The following MIA2 variants were observed in gnomAD, a reference collection of about 807,000 sequenced individuals.
MIA2 encodes the protein melanoma inhibitory activity protein 2.
Under a neutral mutation model 167.8 loss-of-function variants are expected in MIA2, and 127 were observed. The observed-to-expected ratio is 0.76, with a 90% confidence interval of 0.66 to 0.88. The LOEUF (loss-of-function observed/expected upper bound fraction) is 0.88, where lower values mean the gene tolerates loss of function less well. Among genes scored for constraint, MIA2 ranks in the 40% least tolerant of loss-of-function variants. The probability of loss-of-function intolerance (pLI) is 0.00; values close to 1 mark genes in which losing one functional copy is unlikely to be tolerated. For synonymous variants in MIA2, 552 were observed against 541.9 expected (o/e 1.02, Z -0.26); for missense variants, 1,690 against 1,624.7 (o/e 1.04, Z -0.69).
Position 39,350,479 on chromosome 14 carries a change from A to G in MIA2, c.*215A>G, listed in dbSNP as rs924986526. On this transcript the variant is annotated 3_prime_UTR_variant, in exon 29 of 29. Coordinates refer to ENST00000640607, the MANE Select transcript of MIA2 (RefSeq NM_001329214.4). ...TAGACGGTATAACTATTTCAATTTGATTAATCCACTATTATATAAACAATA... is the reference window on the plus strand; with the variant it reads ...TAGACGGTATAACTATTTCAATTTGGTTAATCCACTATTATATAAACAATA... The G allele has an allele frequency of 9.3e-5, 38 of 406,902 alleles. No individual in the cohort carries two copies. Among genetic ancestry groups the G allele is most frequent in the Non-Finnish European group, 1.4e-4 (33 of 229,084 alleles). 25.2% of individuals were successfully genotyped at this position (406,902 alleles called of 1,614,324 possible).
intron 25 of MIA2, among the ~76,000 whole-genome samples, chr14:39,339,950 A>T (rs1471245478): frequency 1.3e-5 from 2 of 152,268 alleles, no homozygotes; most frequent in South Asian, 2.1e-4. Context: ...GGCCCAAGTG[A>T]TCCTCCTGCT....
intron 6 of MIA2, among the ~76,000 whole-genome samples, chr14:39,274,069 G>T (rs1256961928): frequency 3.9e-5 from 6 of 152,116 alleles, no homozygotes; most frequent in African/African-American, 1.4e-4. Context: ...TTGTCAACCT[G>T]ATTAATTGAT....
At chr14:39,250,931 A>T (rs1385411153) in intron 4 of MIA2, among the ~76,000 whole-genome samples, 1 of 152,028 alleles carries the variant, frequency 6.6e-6, no homozygotes, top group Non-Finnish European at 1.5e-5. Context: ...TACAATATTA[A>T]ATAAGAATTG....
At chr14:39,314,684 G>A in intron 19 of MIA2, 55 bp from the exon 20 acceptor site, 2 of 1,158,288 alleles carry the variant, frequency 1.7e-6, no homozygotes, top group Non-Finnish European at 2.4e-6. Context: ...TAGAGAGTAT[G>A]TTCTGTCATT....
chr14:39,249,905 T>A (rs2054482563), intron 4 of MIA2, among the ~76,000 whole-genome samples: 1 of 152,184 alleles, frequency 6.6e-6, no homozygotes, highest in African/African-American at 2.4e-5. Flanking sequence ...ACGTAATACC[T>A]TAACATTCCC....
intron 6 of MIA2, among the ~76,000 whole-genome samples, chr14:39,254,547 T>TA (rs1205372691): frequency 1.3e-5 from 2 of 152,222 alleles, no homozygotes; most frequent in African/African-American, 4.8e-5. Context: ...AATCAGGGTA[T>TA]ACTAACTCAA....
At chr14:39,269,704 A>G (rs534265105) in intron 6 of MIA2, among the ~76,000 whole-genome samples, 2 of 151,994 alleles carry the variant, frequency 1.3e-5, no homozygotes, top group African/African-American at 4.8e-5. Context: ...TATTTTTTGT[A>G]GAGACAGGGT....
chr14:39,365,815 T>TA (rs1247417369), intron 23 of MIA2, among the ~76,000 whole-genome samples: 1 of 152,234 alleles, frequency 6.6e-6, no homozygotes, highest in African/African-American at 2.4e-5. Context: ...TCCAGCATCT[T>TA]ATAAATTTCA....
chr14:39,264,579 A>G (rs1326472565), intron 6 of MIA2, among the ~76,000 whole-genome samples: 2 of 152,174 alleles, frequency 1.3e-5, no homozygotes, highest in African/African-American at 2.4e-5. Context: ...AGAATGCTTC[A>G]TTTATTCACA....
At chr14:39,370,440 C>A in intron 23 of MIA2, 1 of 245,384 alleles carries the variant, frequency 4.1e-6, no homozygotes. Flanking sequence ...TTGAGGTATG[C>A]TTGTGGGATG....
intron 13 of MIA2, among the ~76,000 whole-genome samples, chr14:39,298,346 C>T (rs1208286501): frequency 6.8e-6 from 1 of 147,062 alleles, no homozygotes; most frequent in African/African-American, 2.5e-5. Context: ...GAGAGATGAC[C>T]TAATCACCAA....
intron 6 of MIA2, chr14:39,265,420 A>G: frequency 6.2e-7 from 1 of 1,610,676 alleles, no homozygotes; most frequent in Non-Finnish European, 8.5e-7. Flanking sequence ...CCAGAGGAAG[A>G]GGTGAGTTTA....
At chr14:39,277,849 A>G (rs2058398735) in intron 7 of MIA2, among the ~76,000 whole-genome samples, 1 of 144,444 alleles carries the variant, frequency 6.9e-6, no homozygotes, top group African/African-American at 2.6e-5. Flanking sequence ...TCACAGATGC[A>G]ATTATAGTGC....
At chr14:39,320,544 A>G (rs759875058) in intron 23 of MIA2, among the ~76,000 whole-genome samples, 6 of 152,022 alleles carry the variant, frequency 3.9e-5, no homozygotes, top group Non-Finnish European at 8.8e-5. Context: ...CTATGTTGCA[A>G]CTCTCACCAG....
intron 23 of MIA2, 35 bp downstream of exon 23, chr14:39,319,326 C>A: frequency 2.0e-6 from 2 of 982,540 alleles, no homozygotes; most frequent in Non-Finnish European, 1.5e-6. Flanking sequence ...ATTTAAAATA[C>A]ATATTTTACA....
chr14:39,364,989 C>T (rs2074786039), intron 23 of MIA2, among the ~76,000 whole-genome samples: 1 of 151,614 alleles, frequency 6.6e-6, no homozygotes, highest in East Asian at 1.9e-4. Flanking sequence ...ATGTTTAAGT[C>T]TCTTGTTATA....
chr14:39,263,601 C>G (rs1379496649), intron 6 of MIA2, among the ~76,000 whole-genome samples: 2 of 143,862 alleles, frequency 1.4e-5, no homozygotes, highest in African/African-American at 5.2e-5. Context: ...TTCTCTTTTC[C>G]TTTATTTTCC....
chr14:39,302,131 T>C lies in MIA2; in HGVS notation c.2622T>C (p.Thr874=). 1.2e-6 allele frequency: 2 copies of C among 1,613,328 alleles called. No individual in the cohort carries two copies. Among genetic ancestry groups the C allele is most frequent in the Non-Finnish European group, 1.7e-6 (2 of 1,179,500 alleles). Residue 874 remains threonine, a splice_region_variant and synonymous_variant, in exon 15 of 29, where the codon ACT becomes ACC. Coordinates refer to ENST00000640607, the MANE Select transcript of MIA2 (RefSeq NM_001329214.4). ...TTTCCCCTTTGTTCAATGTCAAGAC[T>C]CTGACTGAACGCTTGTTAAAGATGA... The part of the protein sequence containing the change: ...VLNDKESHIK[T]LTERLLKMKD...
intron 24 of MIA2, among the ~76,000 whole-genome samples, chr14:39,322,116 A>G (rs980575541): frequency 6.6e-6 from 1 of 152,180 alleles, no homozygotes; most frequent in African/African-American, 2.4e-5. Flanking sequence ...AAAAAAATTT[A>G]CATTAGTATC....
Sources: gnomAD v4.1 joint callset for allele counts (sites outside exome capture counted in the v4.1 genomes callset) on GRCh38, gnomAD v4.1.1 for gene constraint, MANE v1.5 for transcripts, NCBI Gene and HGNC (gene_info 2026-07-23, HGNC 2026-07-21) for gene names.